Variants in PLXNC1 observed in about 807,000 individuals in gnomAD.
The protein encoded by PLXNC1 is plexin C1.
A neutral mutation model predicts 178.2 loss-of-function variants in PLXNC1; 75 were observed. That is an observed-to-expected ratio of 0.42 (90% confidence interval 0.35 to 0.51). PLXNC1 has a LOEUF of 0.51. Ranked by LOEUF, PLXNC1 falls within the 20% of genes least tolerant of loss-of-function variation. The pLI, the probability that PLXNC1 is intolerant of heterozygous loss-of-function variation, is 0.02. For missense variants in PLXNC1, 1,503 were observed against 1,984.4 expected, an observed-to-expected ratio of 0.76 and a Z score of 4.61; for synonymous variants, 790 against 779.9, an observed-to-expected ratio of 1.01 and a Z score of -0.22.
chr12:94,296,539 AT>A (rs1967936436), intron 24 of PLXNC1, among the ~76,000 whole-genome samples: 1 of 151,912 alleles, frequency 6.6e-6, no homozygotes, highest in African/African-American at 2.4e-5. Flanking sequence ...TTACAGCCAC[AT>A]TTCCTCACTC....
chr12:94,272,953 C>T (rs977270549), intron 21 of PLXNC1, among the ~76,000 whole-genome samples: 17 of 152,274 alleles, frequency 1.1e-4, no homozygotes, highest in Admixed American at 9.8e-4. Context: ...GGGAACTGCC[C>T]TTGGGAGGCT....
At chr12:94,259,249 A>T in intron 17 of PLXNC1, 88 bp from the exon 18 acceptor site, 2 of 968,306 alleles carry the variant, frequency 2.1e-6, no homozygotes, top group African/African-American at 1.7e-5. Context: ...TCTCTACTTT[A>T]TTAAAACGGA....
chr12:94,297,143 C>T (rs752029920), intron 24 of PLXNC1, 46 bp from the exon 25 acceptor site: 2 of 1,606,154 alleles, frequency 1.2e-6, no homozygotes, highest in East Asian at 2.2e-5. Flanking sequence ...CCCATGGTTG[C>T]TTTTTTTAAT....
At chr12:94,289,375 C>T (rs796427479) in intron 23 of PLXNC1, among the ~76,000 whole-genome samples, 1 of 152,176 alleles carries the variant, frequency 6.6e-6, no homozygotes, top group African/African-American at 2.4e-5. Flanking sequence ...GTTGTCACAT[C>T]GAATCCTAGA....
chr12:94,283,660 T>G (rs1343807486), intron 23 of PLXNC1, among the ~76,000 whole-genome samples: 1 of 152,124 alleles, frequency 6.6e-6, no homozygotes, highest in Non-Finnish European at 1.5e-5. Context: ...GGAGTGCTGA[T>G]TGGTCAGGTC....
intron 4 of PLXNC1, among the ~76,000 whole-genome samples, chr12:94,192,637 C>T (rs1264187820): frequency 6.6e-6 from 1 of 152,076 alleles, no homozygotes; most frequent in Non-Finnish European, 1.5e-5. Context: ...TCTGTACATG[C>T]TCTTCTTAAG....
chr12:94,196,290 G>A lies in PLXNC1; in HGVS notation c.1439+9817G>A, dbSNP rs143941019. On this transcript the variant is annotated intron_variant, in intron 4 of 30. Coordinates refer to ENST00000258526, the MANE Select transcript of PLXNC1 (RefSeq NM_005761.3). ...CTGGGAGGGGTCGGGTCATGGGAACGGATCCCTCATGAATGGCTTGGTGCT... is the reference window on the plus strand; with the variant it reads ...CTGGGAGGGGTCGGGTCATGGGAACAGATCCCTCATGAATGGCTTGGTGCT... 7.9e-5 allele frequency among the ~76,000 whole-genome samples: 12 copies of A among 152,218 alleles called. No individual in the cohort carries two copies. In the East Asian group the frequency reaches 9.7e-4, roughly 12 times the overall value.
At chr12:94,245,029 G>A (rs1964488778) in intron 12 of PLXNC1, among the ~76,000 whole-genome samples, 1 of 152,190 alleles carries the variant, frequency 6.6e-6, no homozygotes, top group East Asian at 1.9e-4. Flanking sequence ...AGCAGTGTGG[G>A]TTCAGACCCA....
chr12:94,246,041 A>G (rs1387601250), intron 12 of PLXNC1, among the ~76,000 whole-genome samples: 1 of 152,164 alleles, frequency 6.6e-6, no homozygotes, highest in Non-Finnish European at 1.5e-5. Context: ...AAAGGGGAGG[A>G]TTCTGACCCA....
At chr12:94,254,441 C>A in intron 15 of PLXNC1, 1 of 472,632 alleles carries the variant, frequency 2.1e-6, no homozygotes, top group South Asian at 1.6e-5. Flanking sequence ...GTGGCTGCAG[C>A]TGTGGGGAAG....
intron 5 of PLXNC1, among the ~76,000 whole-genome samples, chr12:94,212,290 A>T (rs1197938333): frequency 1.4e-5 from 2 of 141,632 alleles, no homozygotes; most frequent in African/African-American, 2.6e-5. Context: ...AAAAAAAAAA[A>T]AAAAAAAATA....
At chr12:94,284,969 G>A (rs1279498262) in intron 23 of PLXNC1, among the ~76,000 whole-genome samples, 1 of 152,226 alleles carries the variant, frequency 6.6e-6, no homozygotes, top group African/African-American at 2.4e-5. Flanking sequence ...GTGGATTTCT[G>A]GTGAGGATTG....
intron 3 of PLXNC1, among the ~76,000 whole-genome samples, chr12:94,184,584 A>T (rs1262514052): frequency 6.6e-6 from 1 of 151,530 alleles, no homozygotes; most frequent in African/African-American, 2.4e-5. Flanking sequence ...CACTATGCCC[A>T]GCTAAATTTT....
At chr12:94,169,394 A>G (rs1961756962) in intron 2 of PLXNC1, 101 bp downstream of exon 2, 8 of 989,396 alleles carry the variant, frequency 8.1e-6, no homozygotes, top group Non-Finnish European at 1.2e-5. Context: ...ATGAGACCAA[A>G]CCAAGAACTT....
At chr12:94,273,551 G>A (rs180755196) in intron 21 of PLXNC1, among the ~76,000 whole-genome samples, 1 of 151,982 alleles carries the variant, frequency 6.6e-6, no homozygotes, top group Non-Finnish European at 1.5e-5. Context: ...ACCCCCTGCC[G>A]ACCTAAAAGA....
In PLXNC1 at chr12:94,181,971, A is replaced by G. The variant is rs79494345; in HGVS notation, c.1338+391A>G. On this transcript the variant is annotated intron_variant, in intron 3 of 30. Coordinates refer to ENST00000258526, the MANE Select transcript of PLXNC1 (RefSeq NM_005761.3). ...GAATTTGGGGTTAATATCAGGCCAC[A>G]GTCTCATACACATTCATGAACCAGG... 3.9e-3 allele frequency among the ~76,000 whole-genome samples: 588 copies of G among 152,278 alleles called. 1 individual carries two copies. The highest frequency in any genetic ancestry group is 0.014 in the African/African-American group (571 of 41,548).
rs746566092 is a variant in PLXNC1 at position 94,306,080 on chromosome 12, A to G, written c.*795A>G. The G allele has an allele frequency of 2.6e-5, 4 of 152,188 alleles. No individual in the cohort carries two copies. Among genetic ancestry groups the G allele is most frequent in the Non-Finnish European group, 5.9e-5 (4 of 68,038 alleles). The allele number at this position is 152,188 out of a possible 1,614,324, so 9.4% of individuals were successfully genotyped here. A position where few individuals can be genotyped will look rare whatever the true frequency, so the allele number is the denominator to read the frequency against. On this transcript the variant is annotated 3_prime_UTR_variant, in exon 31 of 31. Coordinates refer to ENST00000258526, the MANE Select transcript of PLXNC1 (RefSeq NM_005761.3). Reference sequence around the variant, plus strand: ...TTTGATAGTGGACATGTTGGATATTATACAAAAAAATCATTAATTCATTTC... The same window carrying G: ...TTTGATAGTGGACATGTTGGATATTGTACAAAAAAATCATTAATTCATTTC...
In PLXNC1 at chr12:94,306,532, C is replaced by CTA. The variant is rs1969036360; in HGVS notation, c.*1249_*1250dup. ...GTTTTAATACCACTGTGTTTTCCTT[C>CTA]TATTAAACCAGAAGAAGTAAACAGC... On this transcript the variant is annotated 3_prime_UTR_variant, in exon 31 of 31. Transcript: ENST00000258526. 6.6e-6 allele frequency: 1 copy of CTA among 152,138 alleles called. No individual in the cohort carries two copies. The highest frequency in any genetic ancestry group is 2.4e-5 in the African/African-American group (1 of 41,442). The allele number at this position is 152,138 out of a possible 1,614,324, so 9.4% of individuals were successfully genotyped here.
At chr12:94,219,988 A>AT (rs3833789) in intron 5 of PLXNC1, 28 bp from the exon 6 acceptor site, 33 of 1,607,416 alleles carry the variant, frequency 2.1e-5, no homozygotes, top group Middle Eastern at 1.7e-4. Context: ...AAAAATCATC[A>AT]TTTTTTCCCC....
Sources: gnomAD v4.1 joint callset for allele counts (sites outside exome capture counted in the v4.1 genomes callset) on GRCh38, gnomAD v4.1.1 for gene constraint, MANE v1.5 for transcripts, NCBI Gene and HGNC (gene_info 2026-07-23, HGNC 2026-07-21) for gene names.